The following POF1B variants were observed in gnomAD, a reference collection of about 807,000 sequenced individuals.
POF1B encodes POF1B actin binding protein.
In POF1B, 53 loss-of-function variants were observed where a neutral mutation model predicts 55.3. The observed-to-expected ratio is 0.96, with a 90% confidence interval of 0.77 to 1.20. POF1B has a LOEUF of 1.20. POF1B is among the 50% of genes most tolerant of loss of function. The probability of loss-of-function intolerance (pLI) is 0.00; values close to 1 mark genes in which losing one functional copy is unlikely to be tolerated. For missense variants in POF1B, 478 were observed against 420.5 expected (o/e 1.14, Z -1.20); for synonymous variants, 188 against 148.3 (o/e 1.27, Z -1.95).
At chrX:85,358,013 G>T (rs1287454492) in intron 4 of POF1B, among the ~76,000 whole-genome samples, 1 of 111,188 alleles carries the variant, frequency 9.0e-6, no homozygotes, top group Non-Finnish European at 1.9e-5. Context: ...AAAAAGCTTA[G>T]GGTCATGTTG....
chrX:85,338,634 G>C (rs981851989), intron 6 of POF1B, among the ~76,000 whole-genome samples: 2 of 111,398 alleles, frequency 1.8e-5, no homozygotes, highest in Non-Finnish European at 3.8e-5. Flanking sequence ...TGGGAATTCT[G>C]CAACAAGGGC....
rs363784 is a variant in POF1B, at chrX:85,304,304, T to C, written c.1566+39A>G. 7,981 of 1,112,048 alleles carry C rather than the reference T, an allele frequency of 7.2e-3. 370 individuals carry two copies. In the African/African-American group the frequency reaches 0.13, roughly 18 times the overall value. 91.6% of individuals were successfully genotyped at this position (1,112,048 alleles called of 1,213,427 possible). A position where few individuals can be genotyped will look rare whatever the true frequency, so the allele number is the denominator to read the frequency against. On this transcript the variant is annotated intron_variant, in intron 14 of 16. Coordinates refer to ENST00000262753, the MANE Select transcript of POF1B (RefSeq NM_024921.4). Reference sequence around the variant, plus strand: ...ATCCTACAGTACTACAGTACTAAGTTGTATTACTTTTCTCCATCCCCACCC... The same window carrying C: ...ATCCTACAGTACTACAGTACTAAGTCGTATTACTTTTCTCCATCCCCACCC...
At chrX:85,368,739 CT>C (rs1052989238) in intron 2 of POF1B, among the ~76,000 whole-genome samples, 2 of 111,495 alleles carry the variant, frequency 1.8e-5, no homozygotes, top group African/African-American at 6.5e-5. Flanking sequence ...AATGATCAAT[CT>C]GTCCATCATG....
intron 7 of POF1B, among the ~76,000 whole-genome samples, chrX:85,328,034 G>A (rs756231176): frequency 1.0e-3 from 113 of 110,928 alleles, no homozygotes; most frequent in South Asian, 3.4e-3. Flanking sequence ...GGAGAACGTG[G>A]AAACAAAGAC....
chrX:85,360,568 C>CCACT (rs1555988352), intron 3 of POF1B, among the ~76,000 whole-genome samples: 2 of 81,575 alleles, frequency 2.5e-5, no homozygotes, highest in Admixed American at 1.3e-4. Context: ...TACATATATA[C>CCACT]ACATTTTCTT....
chrX:85,326,390 C>T (rs1370274089), intron 7 of POF1B, among the ~76,000 whole-genome samples: 1 of 108,281 alleles, frequency 9.2e-6, no homozygotes, highest in African/African-American at 3.4e-5. Flanking sequence ...CCTTTGTGTG[C>T]GGATTCACAC....
In POF1B at chrX:85,379,254, G is replaced by T. The variant is rs1358921148; in HGVS notation, c.201C>A (p.Asp67Glu). The change falls in exon 2 of 17, where the codon GAC becomes GAA. Residue 67 changes from aspartate to glutamate, a missense_variant. Physicochemically the swap from Asp to Glu is conservative, Grantham distance 45 (BLOSUM62 2). Transcript: ENST00000262753. ...GPMNKVVQAL[D>E]PFNSREVLSP... is the part of the protein sequence containing the mutation. ...AGAGCACTTCCCGTGAGTTGAAGGG[G>T]TCCAAGGCCTGCACCACCTTGTTCA... The T allele has an allele frequency of 8.3e-7, 1 of 1,208,139 alleles. No homozygotes were observed. Among genetic ancestry groups the T allele is most frequent in the African/African-American group, 1.8e-5 (1 of 56,700 alleles).
Position 85,367,694 on chromosome X carries a change from G to C in POF1B, c.355C>G (p.Gln119Glu), listed in dbSNP as rs1603080813. The part of the protein sequence containing the change: ...STLHITQNTE[Q>E]ELHSPTVKLT... ...ATGTAATTCACAACTTCTTTTACCT[G>C]TTCAGTATTTTGGGTTATATGTAGA... The change falls in exon 3 of 17, where the codon CAG becomes GAG. Residue 119 changes from glutamine to glutamate, a missense_variant and splice_region_variant. Physicochemically the swap from Gln to Glu is conservative, Grantham distance 29 (BLOSUM62 2). Coordinates refer to ENST00000262753, the MANE Select transcript of POF1B (RefSeq NM_024921.4). The C allele has an allele frequency of 6.1e-6, 7 of 1,154,186 alleles. 1 individual carries two copies. Among genetic ancestry groups the C allele is most frequent in the Non-Finnish European group, 1.2e-6 (1 of 849,642 alleles).
intron 5 of POF1B, among the ~76,000 whole-genome samples, chrX:85,347,991 A>G (rs902444550): frequency 2.7e-5 from 3 of 111,728 alleles, no homozygotes; most frequent in Non-Finnish European, 5.7e-5. Flanking sequence ...GGAATAAAAC[A>G]AAACAAAACA....
chrX:85,309,253 C>T (rs891718636), intron 9 of POF1B, among the ~76,000 whole-genome samples: 3 of 109,059 alleles, frequency 2.8e-5, no homozygotes, highest in Non-Finnish European at 5.7e-5. Flanking sequence ...GACATTTAAA[C>T]CACATAAAAT....
At chrX:85,315,829 T>C in intron 7 of POF1B, 95 bp from the exon 8 acceptor site, 1 of 686,118 alleles carries the variant, frequency 1.5e-6, no homozygotes, top group South Asian at 4.6e-5. Flanking sequence ...TCTTACTTTT[T>C]GAAATATAAG....
At chrX:85,341,422 A>G (rs960795152) in intron 6 of POF1B, among the ~76,000 whole-genome samples, 2 of 111,233 alleles carry the variant, frequency 1.8e-5, no homozygotes, top group African/African-American at 3.3e-5. Context: ...ACTAATTTAT[A>G]AAAAAGCAAA....
In POF1B at chrX:85,379,389, C is replaced by T. The variant is rs756012767; in HGVS notation, c.66G>A (p.Val22=). 8.3e-7 allele frequency: 1 copy of T among 1,210,098 alleles called. No individual in the cohort carries two copies. Among genetic ancestry groups the T allele is most frequent in the Non-Finnish European group, 1.1e-6 (1 of 895,033 alleles). The part of the protein sequence containing the change: ...SSCGTQQLPE[V]LQCQPQHYHC... Reference sequence around the variant, plus strand: ...GGTAATGCTGGGGCTGGCACTGCAGCACCTCTGGGAGCTGCTGGGTTCCAC... The same window carrying T: ...GGTAATGCTGGGGCTGGCACTGCAGTACCTCTGGGAGCTGCTGGGTTCCAC... Residue 22 remains valine (V), a synonymous_variant, in exon 2 of 17, where the codon GTG becomes GTA. Transcript: ENST00000262753.
intron 15 of POF1B, among the ~76,000 whole-genome samples, chrX:85,284,522 C>T (rs1251060128): frequency 8.9e-6 from 1 of 111,870 alleles, no homozygotes; most frequent in Non-Finnish European, 1.9e-5. Flanking sequence ...ATCACCTGAT[C>T]TTTGACAAAT....
At chrX:85,339,753 G>A (rs1394175877) in intron 6 of POF1B, among the ~76,000 whole-genome samples, 1 of 110,943 alleles carries the variant, frequency 9.0e-6, no homozygotes, top group Non-Finnish European at 1.9e-5. Flanking sequence ...TAGAATGGTA[G>A]GGTCACAAAG....
At chrX:85,281,113 T>C (rs1240901811) in intron 16 of POF1B, among the ~76,000 whole-genome samples, 2 of 110,617 alleles carry the variant, frequency 1.8e-5, no homozygotes, top group African/African-American at 6.6e-5. Flanking sequence ...TATTCATGGG[T>C]TCCCCACCAA....
At chrX:85,373,011 T>C in intron 2 of POF1B, among the ~76,000 whole-genome samples, 1 of 109,765 alleles carries the variant, frequency 9.1e-6, no homozygotes, top group Non-Finnish European at 1.9e-5. Context: ...ATATATACCC[T>C]GAATTCTAGG....
chrX:85,305,027 T>TA (rs1242151829), intron 13 of POF1B, among the ~76,000 whole-genome samples: 1 of 110,394 alleles, frequency 9.1e-6, no homozygotes, highest in African/African-American at 3.3e-5. Context: ...ACCTCATATG[T>TA]GTGTAGCTTA....
intron 4 of POF1B, among the ~76,000 whole-genome samples, chrX:85,352,524 G>A (rs1010459864): frequency 1.8e-5 from 2 of 111,493 alleles, no homozygotes; most frequent in Admixed American, 1.9e-4. Context: ...ATTCAAGTTT[G>A]AGCAAAAGGT....
Sources: gnomAD v4.1 joint callset for allele counts (sites outside exome capture counted in the v4.1 genomes callset) on GRCh38, gnomAD v4.1.1 for gene constraint, MANE v1.5 for transcripts, NCBI Gene and HGNC (gene_info 2026-07-23, HGNC 2026-07-21) for gene names.